The following PPEF1 variants were observed in gnomAD, a reference collection of about 807,000 sequenced individuals.
PPEF1 encodes serine/threonine-protein phosphatase with EF-hands 1.
A neutral mutation model predicts 53.3 loss-of-function variants in PPEF1; 12 were observed. The ratio of observed to expected loss-of-function variants is 0.23; its 90% CI spans 0.14 to 0.36. The LOEUF is 0.36. Ranked by LOEUF, PPEF1 falls within the 10% of genes least tolerant of loss-of-function variation. PPEF1 has a pLI of 1.00. For synonymous variants in PPEF1, 165 were observed against 176.7 expected (o/e 0.93, Z 0.52); for missense variants, 334 against 490.4 (o/e 0.68, Z 3.01).
At chrX:18,730,355 T>C (rs1203317660) in intron 2 of PPEF1, 47 bp downstream of exon 2, 1 of 1,168,951 alleles carries the variant, frequency 8.6e-7, no homozygotes, top group South Asian at 1.9e-5. Flanking sequence ...TGATTCTCTT[T>C]ACCCCTTGTT....
chrX:18,761,699 C>T, intron 6 of PPEF1, 123 bp downstream of exon 6: 1 of 462,418 alleles, frequency 2.2e-6, no homozygotes, highest in Non-Finnish European at 3.5e-6. Context: ...TGTTTTTAAC[C>T]AGGAGGCTCA....
chrX:18,773,938 G>C (rs1389689817), intron 6 of PPEF1, among the ~76,000 whole-genome samples: 2 of 111,413 alleles, frequency 1.8e-5, no homozygotes, highest in Non-Finnish European at 3.8e-5. Context: ...TTCCTAGCAT[G>C]TCTCTTCTAC....
chrX:18,676,448 C>A (rs1928680721), intron 1 of PPEF1, among the ~76,000 whole-genome samples: 1 of 108,930 alleles, frequency 9.2e-6, no homozygotes, highest in South Asian at 4.2e-4. Context: ...TCAGTTAGCT[C>A]CCTGTCATAT....
chrX:18,789,324 T>C (rs2046282482), intron 10 of PPEF1, 51 bp downstream of exon 10: 1 of 1,111,728 alleles, frequency 9.0e-7, no homozygotes. Context: ...CTAGCGTGCA[T>C]GTTGTCCCTT....
chrX:18,819,420 T>A (rs1366133382), intron 13 of PPEF1, among the ~76,000 whole-genome samples: 1 of 112,171 alleles, frequency 8.9e-6, no homozygotes, highest in Admixed American at 9.5e-5. Context: ...CAGTGGCTCA[T>A]GCCTGTAATC....
At chrX:18,823,818 A>G in intron 13 of PPEF1, 105 bp from the exon 14 acceptor site, 10 of 875,946 alleles carry the variant, frequency 1.1e-5, no homozygotes, top group Non-Finnish European at 1.6e-5. Context: ...ATAAATTATG[A>G]GGGAGAGCAG....
chrX:18,678,024 G>A (rs977202097), upstream of PPEF1, among the ~76,000 whole-genome samples: 23 of 109,023 alleles, frequency 2.1e-4, no homozygotes, highest in Non-Finnish European at 3.8e-5. Flanking sequence ...AGCTACTCTG[G>A]GGGAGTGAGG....
intron 3 of PPEF1, among the ~76,000 whole-genome samples, chrX:18,747,958 G>A (rs1325544240): frequency 4.5e-5 from 5 of 111,819 alleles, no homozygotes; most frequent in Admixed American, 9.6e-5. Flanking sequence ...TTCATTTGAA[G>A]CAAGATTTAT....
At chrX:18,692,585 C>G (rs2147244835) in intron 4 of PPEF1, among the ~76,000 whole-genome samples, 1 of 111,634 alleles carries the variant, frequency 9.0e-6, no homozygotes, top group East Asian at 2.8e-4. Context: ...CTCCTTCTTC[C>G]CCTTCATCCC....
intron 9 of PPEF1, among the ~76,000 whole-genome samples, chrX:18,785,015 C>G (rs948664290): frequency 9.0e-6 from 1 of 111,358 alleles, no homozygotes; most frequent in African/African-American, 3.3e-5. Context: ...GAACTGTTAC[C>G]CCTCAGGACT....
intron 12 of PPEF1, among the ~76,000 whole-genome samples, chrX:18,813,252 G>T (rs183907985): frequency 2.9e-3 from 316 of 108,550 alleles, no homozygotes; most frequent in Admixed American, 4.7e-3. Context: ...GATGGCACAC[G>T]CCTGTAGTCC....
chrX:18,737,604 A>AT (rs1262505429), intron 3 of PPEF1, among the ~76,000 whole-genome samples: 2 of 111,597 alleles, frequency 1.8e-5, no homozygotes, highest in African/African-American at 3.3e-5. Flanking sequence ...TATTCTGTTG[A>AT]TTGGGGTGGA....
Position 18,803,884 on chromosome X carries a change from G to A in PPEF1, c.1066-8G>A. 8.4e-7 allele frequency: 1 copy of A among 1,186,717 alleles called. No homozygotes were observed. The highest frequency in any genetic ancestry group is 1.8e-5 in the African/African-American group (1 of 56,508). On this transcript the variant is annotated splice_region_variant and splice_polypyrimidine_tract_variant and intron_variant, in intron 10 of 15. Transcript: ENST00000470157. ...AAGTTACAGCGAAATCTGGTTTGTT[G>A]TTCCAAGATTATTGATATTCTGTGG...
upstream of PPEF1, among the ~76,000 whole-genome samples, chrX:18,681,038 C>T (rs1928866094): frequency 9.0e-6 from 1 of 111,102 alleles, no homozygotes; most frequent in Non-Finnish European, 1.9e-5. Context: ...TGGGTTGGTT[C>T]CAAGTCTTTG....
At chrX:18,767,377 C>G (rs547175088) in intron 6 of PPEF1, among the ~76,000 whole-genome samples, 2 of 111,130 alleles carry the variant, frequency 1.8e-5, no homozygotes, top group African/African-American at 6.5e-5. Flanking sequence ...AAACCCTGTC[C>G]CTACTAAAAA....
chrX:18,806,518 C>A lies in PPEF1; in HGVS notation c.1367C>A (p.Ala456Glu), dbSNP rs1275762009. 8.3e-7 allele frequency: 1 copy of A among 1,207,854 alleles called. No homozygotes were observed. Among genetic ancestry groups the A allele is most frequent in the African/African-American group, 1.8e-5 (1 of 57,057 alleles). The change falls in exon 12 of 16, where the codon GCA becomes GAA. Residue 456 changes from alanine (A) to glutamate (E), a missense_variant. By Grantham distance (107) the Ala-to-Glu change is moderately radical (BLOSUM62 -1). Transcript: ENST00000470157. ...PRFFQYQVTK[A>E]TCFQPLRQRV... ...TTTTTCCAGTACCAAGTAACTAAAG[C>A]AACGTGCTTTCAGCCTCTTCGCCAA...
chrX:18,806,486 T>A lies in PPEF1; in HGVS notation c.1335T>A (p.Thr445=), dbSNP rs749073725. ...ACATCAAACTATGTTCTGGTACAAC[T>A]CCTCGATTTTTCCAGTACCAAGTAA... The part of the protein sequence containing the change: ...GAYIKLCSGT[T]PRFFQYQVTK... Residue 445 remains threonine, a synonymous_variant, in exon 12 of 16, where the codon ACT becomes ACA. Coordinates refer to ENST00000470157, the MANE Select transcript of PPEF1 (RefSeq NM_001377996.1). 1 of 1,207,366 alleles carries A rather than the reference T, an allele frequency of 8.3e-7. No individual in the cohort carries two copies. The highest frequency in any genetic ancestry group is 1.8e-5 in the African/African-American group (1 of 57,011).
chrX:18,798,249 T>G (rs554550631), intron 10 of PPEF1, among the ~76,000 whole-genome samples: 1 of 109,920 alleles, frequency 9.1e-6, no homozygotes, highest in Non-Finnish European at 1.9e-5. Context: ...CCCAGACTGG[T>G]CTTGAACTCC....
intron 2 of PPEF1, among the ~76,000 whole-genome samples, chrX:18,733,531 GGCA>G (rs897679385): frequency 9.0e-6 from 1 of 111,711 alleles, no homozygotes; most frequent in Non-Finnish European, 1.9e-5. Context: ...GTTGTCTCTG[GGCA>G]GCCCCACAGG....
Sources: allele counts gnomAD v4.1 joint callset (sites outside exome capture counted in the v4.1 genomes callset), GRCh38; gene constraint gnomAD v4.1.1; transcripts MANE v1.5; gene names NCBI Gene and HGNC (gene_info 2026-07-23, HGNC 2026-07-21).